The following CPXM2 variants were observed in gnomAD, a reference collection of about 807,000 sequenced individuals.
CPXM2 encodes inactive carboxypeptidase-like protein X2.
A neutral mutation model predicts 86.1 loss-of-function variants in CPXM2; 66 were observed. The ratio of observed to expected loss-of-function variants is 0.77; its 90% CI spans 0.63 to 0.94. The LOEUF is 0.94. CPXM2 is among the 40% of genes least tolerant of loss of function. The pLI is 0.00. For missense variants in CPXM2, 948 were observed against 1,026.3 expected, an observed-to-expected ratio of 0.92 and a Z score of 1.04; for synonymous variants, 388 against 400.2, an observed-to-expected ratio of 0.97 and a Z score of 0.36.
At chr10:123,805,671 G>A (rs1409455238) in intron 4 of CPXM2, among the ~76,000 whole-genome samples, 1 of 152,032 alleles carries the variant, frequency 6.6e-6, no homozygotes, top group Non-Finnish European at 1.5e-5. Flanking sequence ...TATCGGCTCT[G>A]TAATTGTTGG....
intron 4 of CPXM2, among the ~76,000 whole-genome samples, chr10:123,837,138 A>G (rs1848297882): frequency 6.6e-6 from 1 of 152,256 alleles, no homozygotes; most frequent in African/African-American, 2.4e-5. Flanking sequence ...AATTCTCCAA[A>G]GAAAAGCTGA....
rs199712325 is a variant in CPXM2, at chr10:123,746,753, G to C, written c.*11C>G. ...CATGGGTCCCAGACGAGTCTCAAGG[G>C]CCCAGGAGGGTCACCCACGCTGTCG... On this transcript the variant is annotated 3_prime_UTR_variant, in exon 14 of 14. Transcript: ENST00000241305. The C allele has an allele frequency of 1.1e-3, 1,772 of 1,613,452 alleles. 3 individuals carry two copies. Among genetic ancestry groups the C allele is most frequent in the Non-Finnish European group, 1.2e-3 (1,362 of 1,179,750 alleles).
chr10:123,820,170 C>T (rs1373228468), intron 4 of CPXM2, among the ~76,000 whole-genome samples: 1 of 152,176 alleles, frequency 6.6e-6, no homozygotes, highest in Middle Eastern at 3.2e-3. Context: ...TGAGTTAATA[C>T]TTAATAAAGC....
At chr10:123,845,790 A>C (rs1253535278) in intron 3 of CPXM2, among the ~76,000 whole-genome samples, 3 of 152,246 alleles carry the variant, frequency 2.0e-5, no homozygotes, top group Non-Finnish European at 4.4e-5. Flanking sequence ...CATCAGAAAT[A>C]AAGAAAAGAT....
rs1251769373 is a variant in CPXM2 at position 123,754,233 on chromosome 10, C to T, written c.2017+430G>A. 6.6e-6 allele frequency among the ~76,000 whole-genome samples: 1 copy of T among 152,204 alleles called. No homozygotes were observed. The highest frequency in any genetic ancestry group is 2.4e-5 in the African/African-American group (1 of 41,444). On this transcript the variant is annotated intron_variant, in intron 13 of 13. Transcript: ENST00000241305. This position sits in a 1 kb window ranked among gnomAD's most constrained non-coding sequence, Gnocchi z 4.0. ...GCTGGTCCCTTCAAACTCTCCACTCCTCCACAAGTCACCCAGTCTACAGCT... is the reference window on the plus strand; with the variant it reads ...GCTGGTCCCTTCAAACTCTCCACTCTTCCACAAGTCACCCAGTCTACAGCT...
intron 7 of CPXM2, among the ~76,000 whole-genome samples, chr10:123,773,442 T>C (rs1476623944): frequency 1.3e-5 from 2 of 152,240 alleles, no homozygotes; most frequent in South Asian, 2.1e-4. Context: ...GTGGTGGTGA[T>C]TACTTTTCTC....
At chr10:123,752,816 G>C (rs1285120228) in intron 13 of CPXM2, 8 of 165,968 alleles carry the variant, frequency 4.8e-5, no homozygotes, top group Admixed American at 6.5e-5. Flanking sequence ...AGTATTTATC[G>C]AGCATCCACT....
chr10:123,862,536 G>A (rs913849618), intron 3 of CPXM2, 78 bp downstream of exon 3: 10 of 1,226,762 alleles, frequency 8.2e-6, no homozygotes, highest in African/African-American at 4.5e-5. Flanking sequence ...TAAATCCTGC[G>A]CATTGCCTGA....
At chr10:123,858,046 T>C (rs1298675101) in intron 3 of CPXM2, among the ~76,000 whole-genome samples, 1 of 152,238 alleles carries the variant, frequency 6.6e-6, no homozygotes, top group East Asian at 1.9e-4. Context: ...GTGCACTCTG[T>C]GGCCAGGTGC....
At chr10:123,892,905 C>A (rs775620975), upstream of CPXM2, among the ~76,000 whole-genome samples, 2 of 152,188 alleles carry the variant, frequency 1.3e-5, no homozygotes, top group Admixed American at 1.3e-4. Flanking sequence ...GGTCCTCGCA[C>A]GTGGGCCCGG....
chr10:123,890,479 C>A (rs1425282798), intron 1 of CPXM2, among the ~76,000 whole-genome samples: 4 of 152,208 alleles, frequency 2.6e-5, no homozygotes, highest in Non-Finnish European at 5.9e-5. Flanking sequence ...AACGGTGGCA[C>A]CCGCACGTAT....
chr10:123,923,095 A>C (rs1034615653), intron 2 of CPXM2, among the ~76,000 whole-genome samples: 3 of 152,178 alleles, frequency 2.0e-5, no homozygotes, highest in Admixed American at 2.0e-4. Flanking sequence ...AAACATGCAA[A>C]ATTGCCACAA....
chr10:123,836,159 C>A (rs1848275731), intron 4 of CPXM2, among the ~76,000 whole-genome samples: 1 of 152,126 alleles, frequency 6.6e-6, no homozygotes, highest in Non-Finnish European at 1.5e-5. Context: ...AGTAGCCAGT[C>A]CTCAAGCCTC....
At position 123,862,603 on chromosome 10, in the gene CPXM2, G is replaced by A; in HGVS notation, c.513+11C>T. On this transcript the variant is annotated intron_variant, in intron 3 of 13. Coordinates refer to ENST00000241305, the MANE Select transcript of CPXM2 (RefSeq NM_198148.3). ...GGCAGTCAAAATCCTTCCAACCACA[G>A]GGCCAGGTACCTGGATGTTGAGTCT... 3 of 1,609,384 alleles carry A rather than the reference G, an allele frequency of 1.9e-6. No individual in the cohort carries two copies. The highest frequency in any genetic ancestry group is 2.6e-6 in the Non-Finnish European group (3 of 1,175,648).
intron 2 of CPXM2, among the ~76,000 whole-genome samples, chr10:123,919,805 T>C (rs1377492059): frequency 1.3e-5 from 2 of 152,192 alleles, no homozygotes; most frequent in Non-Finnish European, 2.9e-5. Flanking sequence ...ATGTCAGTGG[T>C]ATCTCCTTCT....
At chr10:123,804,940 GACTGTGTAAGA>G (rs1259904121) in intron 4 of CPXM2, among the ~76,000 whole-genome samples, 24 of 151,948 alleles carry the variant, frequency 1.6e-4, no homozygotes, top group Non-Finnish European at 1.5e-5. Context: ...TCAGCTAGTC[GACTGTGTAAGA>G]ACTCAGTTTT....
intron 2 of CPXM2, among the ~76,000 whole-genome samples, chr10:123,917,436 G>A (rs1019782321): frequency 8.5e-5 from 13 of 152,138 alleles, no homozygotes; most frequent in African/African-American, 1.7e-4. Flanking sequence ...GAGAGCCTGC[G>A]GACAGAACCT....
chr10:123,772,096 G>A (rs1280426403), intron 7 of CPXM2, among the ~76,000 whole-genome samples: 1 of 151,994 alleles, frequency 6.6e-6, no homozygotes, highest in Admixed American at 6.5e-5. Flanking sequence ...TGGTTATGGT[G>A]ACATCTTCCC....
chr10:123,916,596 C>T (rs569701493), intron 2 of CPXM2, among the ~76,000 whole-genome samples: 36 of 152,290 alleles, frequency 2.4e-4, no homozygotes, highest in Non-Finnish European at 4.0e-4. Context: ...TGCATCTGGC[C>T]TCCCTAACTC....
Sources: allele counts gnomAD v4.1 joint callset (sites outside exome capture counted in the v4.1 genomes callset), GRCh38; gene constraint gnomAD v4.1.1; non-coding constraint Gnocchi (gnomAD v3.1); transcripts MANE v1.5; gene names NCBI Gene and HGNC (gene_info 2026-07-23, HGNC 2026-07-21).